Variants in NSMCE2 observed in about 807,000 individuals in gnomAD.
NSMCE2 encodes the protein E3 SUMO-protein ligase NSE2.
Under a neutral mutation model 23.8 loss-of-function variants are expected in NSMCE2, and 24 were observed. The observed-to-expected ratio is 1.01, with a 90% CI of 0.73 to 1.42. The LOEUF (loss-of-function observed/expected upper bound fraction) is 1.42, where lower values mean the gene tolerates loss of function less well. Among genes scored for constraint, NSMCE2 ranks in the 40% most tolerant of loss-of-function variants. The pLI is 0.00. For missense variants in NSMCE2, 284 were observed against 296.5 expected, an observed-to-expected ratio of 0.96 and a Z score of 0.31; for synonymous variants, 92 against 94.1, an observed-to-expected ratio of 0.98 and a Z score of 0.13.
At chr8:125,316,574 CTTTCTTTCTTTTCT>C (rs1829187663) in intron 5 of NSMCE2, among the ~76,000 whole-genome samples, 1 of 152,054 alleles carries the variant, frequency 6.6e-6, no homozygotes, top group African/African-American at 2.4e-5. Context: ...TTCCTTCTTT[CTTTCTTTCTTTTCT>C]TTTCTTTCTT....
At chr8:125,150,907 TC>T (rs1291097162) in intron 3 of NSMCE2, among the ~76,000 whole-genome samples, 1 of 152,158 alleles carries the variant, frequency 6.6e-6, no homozygotes, top group Non-Finnish European at 1.5e-5. Flanking sequence ...TTAATACAAG[TC>T]TTTTCTTCTT....
chr8:125,194,440 A>C (rs1213876962), intron 5 of NSMCE2, among the ~76,000 whole-genome samples: 1 of 152,130 alleles, frequency 6.6e-6, no homozygotes, highest in Non-Finnish European at 1.5e-5. Context: ...GTTGCATTCT[A>C]TTGCTGAGTA....
intron 3 of NSMCE2, among the ~76,000 whole-genome samples, chr8:125,110,179 C>G (rs529408442): frequency 6.6e-6 from 1 of 152,266 alleles, no homozygotes; most frequent in Non-Finnish European, 1.5e-5. Flanking sequence ...TGCCTCTCTG[C>G]CAGGGCAAGT....
intron 5 of NSMCE2, among the ~76,000 whole-genome samples, chr8:125,274,316 G>A (rs1827350798): frequency 6.6e-6 from 1 of 151,976 alleles, no homozygotes; most frequent in African/African-American, 2.4e-5. Flanking sequence ...TAGTGAAACA[G>A]GATTTTTTAA....
At chr8:125,263,303 A>G (rs1386640444) in intron 5 of NSMCE2, among the ~76,000 whole-genome samples, 1 of 152,120 alleles carries the variant, frequency 6.6e-6, no homozygotes, top group Non-Finnish European at 1.5e-5. Flanking sequence ...TGGTTCTATA[A>G]TGTTTGTAAG....
At chr8:125,189,449 C>G (rs569224166) in intron 5 of NSMCE2, among the ~76,000 whole-genome samples, 1 of 152,302 alleles carries the variant, frequency 6.6e-6, no homozygotes, top group South Asian at 2.1e-4. Context: ...CTAAAACTTG[C>G]CTGGGCCTGT....
At chr8:125,218,938 A>C (rs941140707) in intron 5 of NSMCE2, among the ~76,000 whole-genome samples, 1 of 152,194 alleles carries the variant, frequency 6.6e-6, no homozygotes, top group African/African-American at 2.4e-5. Context: ...AACATCTACT[A>C]TATAAGGACT....
chr8:125,234,664 ACTTTT>A (rs1825468531), intron 5 of NSMCE2, among the ~76,000 whole-genome samples: 1 of 152,166 alleles, frequency 6.6e-6, no homozygotes, highest in African/African-American at 2.4e-5. Flanking sequence ...ACCTGTAATG[ACTTTT>A]CTTTCCCATC....
At chr8:125,221,145 A>C (rs1824841473) in intron 5 of NSMCE2, among the ~76,000 whole-genome samples, 1 of 152,196 alleles carries the variant, frequency 6.6e-6, no homozygotes, top group African/African-American at 2.4e-5. Context: ...TAGCTCAACA[A>C]AGTTTAAATA....
chr8:125,329,054 G>A (rs1829779815), intron 5 of NSMCE2, among the ~76,000 whole-genome samples: 1 of 152,202 alleles, frequency 6.6e-6, no homozygotes, highest in African/African-American at 2.4e-5. Flanking sequence ...GACAGCTACT[G>A]TATTAGTTAA....
At chr8:125,320,251 G>GGGAGGGAC (rs1829384986) in intron 5 of NSMCE2, among the ~76,000 whole-genome samples, 4 of 58,300 alleles carry the variant, frequency 6.9e-5, no homozygotes, top group South Asian at 8.4e-4. Context: ...GAGGGAGGGA[G>GGGAGGGAC]GGAAGGAAGG....
intron 5 of NSMCE2, among the ~76,000 whole-genome samples, chr8:125,208,721 G>A (rs1176160408): frequency 6.6e-6 from 1 of 152,182 alleles, no homozygotes; most frequent in Non-Finnish European, 1.5e-5. Context: ...GCTTCATACA[G>A]AAAATGAGTC....
chr8:125,139,112 G>A (rs1425530599), intron 3 of NSMCE2, among the ~76,000 whole-genome samples: 3 of 152,176 alleles, frequency 2.0e-5, no homozygotes, highest in East Asian at 1.9e-4. Context: ...ACTGTTCAGC[G>A]GTGGAACAAG....
At chr8:125,160,388 A>G (rs961587114) in intron 4 of NSMCE2, among the ~76,000 whole-genome samples, 1 of 152,210 alleles carries the variant, frequency 6.6e-6, no homozygotes, top group African/African-American at 2.4e-5. Context: ...GGCAGCAGGA[A>G]ACCATCGGGA....
intron 3 of NSMCE2, among the ~76,000 whole-genome samples, chr8:125,123,007 G>C (rs991117796): frequency 6.6e-6 from 1 of 152,106 alleles, no homozygotes; most frequent in Non-Finnish European, 1.5e-5. Context: ...AAGTTTGATA[G>C]TTTTGTCTCA....
intron 5 of NSMCE2, among the ~76,000 whole-genome samples, chr8:125,277,664 A>T (rs6415490): frequency 1.3e-5 from 2 of 152,016 alleles, no homozygotes; most frequent in African/African-American, 4.8e-5. Context: ...CCGCCACCAC[A>T]CCTGGCTAAT....
chr8:125,220,072 A>G (rs972472926), intron 5 of NSMCE2, among the ~76,000 whole-genome samples: 4 of 152,152 alleles, frequency 2.6e-5, no homozygotes, highest in Admixed American at 6.6e-5. Context: ...TGGGATTTCT[A>G]TTGGCTTTTT....
intron 3 of NSMCE2, among the ~76,000 whole-genome samples, chr8:125,111,443 C>G (rs139203702): frequency 3.9e-4 from 59 of 152,248 alleles, no homozygotes; most frequent in African/African-American, 1.3e-3. Context: ...ATCCATAACC[C>G]TATCACCCAT....
At chr8:125,115,346 A>C (rs1218230554) in intron 3 of NSMCE2, among the ~76,000 whole-genome samples, 1 of 152,234 alleles carries the variant, frequency 6.6e-6, no homozygotes, top group Non-Finnish European at 1.5e-5. Context: ...AAGGGCTTTA[A>C]AAGTAACAAA....
Sources: gnomAD v4.1 joint callset for allele counts (sites outside exome capture counted in the v4.1 genomes callset) on GRCh38, gnomAD v4.1.1 for gene constraint, MANE v1.5 for transcripts, NCBI Gene and HGNC (gene_info 2026-07-23, HGNC 2026-07-21) for gene names.